Variants in MARCHF3 observed in about 807,000 individuals in gnomAD.
MARCHF3 encodes membrane associated ring-CH-type finger 3.
A neutral mutation model predicts 24.2 loss-of-function variants in MARCHF3; 13 were observed. The ratio of observed to expected loss-of-function variants is 0.54; its 90% CI spans 0.35 to 0.85. MARCHF3 has a LOEUF of 0.85. Ranked by LOEUF, MARCHF3 falls within the 40% of genes least tolerant of loss-of-function variation. The pLI is 0.01. For synonymous variants in MARCHF3, 144 were observed against 137.3 expected (o/e 1.05, Z -0.34); for missense variants, 276 against 325.0 (o/e 0.85, Z 1.16).
chr5:126,974,195 C>T (rs1474983814), intron 1 of MARCHF3, among the ~76,000 whole-genome samples: 1 of 152,156 alleles, frequency 6.6e-6, no homozygotes, highest in African/African-American at 2.4e-5. Flanking sequence ...CCGCGCCCGG[C>T]CGCAAAATCT....
intron 1 of MARCHF3, among the ~76,000 whole-genome samples, chr5:127,015,789 T>C (rs1053370737): frequency 1.3e-5 from 2 of 152,204 alleles, no homozygotes; most frequent in African/African-American, 4.8e-5. Context: ...TGGTCAACCA[T>C]GGCCCGAAAA....
intron 1 of MARCHF3, among the ~76,000 whole-genome samples, chr5:127,012,738 C>A (rs767249140): frequency 6.6e-6 from 1 of 152,132 alleles, no homozygotes; most frequent in Non-Finnish European, 1.5e-5. Flanking sequence ...CCTGAGGGTA[C>A]CTCAGTAAAG....
intron 1 of MARCHF3, among the ~76,000 whole-genome samples, chr5:127,010,011 T>G (rs1428006253): frequency 2.6e-5 from 4 of 152,194 alleles, no homozygotes; most frequent in African/African-American, 9.7e-5. Flanking sequence ...TGATCCAGTT[T>G]TCTGTTCCTT....
intron 1 of MARCHF3, among the ~76,000 whole-genome samples, chr5:127,027,659 A>G (rs911950902): frequency 8.5e-5 from 13 of 152,246 alleles, no homozygotes; most frequent in African/African-American, 3.1e-4. Context: ...TGAGGATTCC[A>G]AAACACTTTC....
intron 1 of MARCHF3, among the ~76,000 whole-genome samples, chr5:126,972,660 C>G (rs1355883030): frequency 6.6e-6 from 1 of 152,164 alleles, no homozygotes; most frequent in Non-Finnish European, 1.5e-5. Context: ...ACTTCCACCC[C>G]CAACAGGTTT....
intron 1 of MARCHF3, among the ~76,000 whole-genome samples, chr5:126,935,012 A>G (rs887624102): frequency 2.0e-5 from 3 of 152,190 alleles, no homozygotes; most frequent in Non-Finnish European, 4.4e-5. Flanking sequence ...TTCCATATTC[A>G]GAAATATTAT....
chr5:126,898,983 T>C (rs1182747093), intron 3 of MARCHF3: 1 of 985,048 alleles, frequency 1.0e-6, no homozygotes, highest in African/African-American at 1.8e-5. Flanking sequence ...AACTAAAAGC[T>C]TCAAAAGCAT....
At chr5:126,991,714 C>T (rs1751767745) in intron 1 of MARCHF3, among the ~76,000 whole-genome samples, 1 of 149,670 alleles carries the variant, frequency 6.7e-6, no homozygotes, top group South Asian at 2.2e-4. Context: ...GAGCAAGATT[C>T]TATTTCAAAA....
At chr5:126,941,552 G>C (rs192122075) in intron 1 of MARCHF3, among the ~76,000 whole-genome samples, 1 of 152,304 alleles carries the variant, frequency 6.6e-6, no homozygotes, top group East Asian at 1.9e-4. Flanking sequence ...TGTGTCATAT[G>C]CGTTAATAGT....
At chr5:126,960,028 A>C (rs143081535) in intron 1 of MARCHF3, among the ~76,000 whole-genome samples, 2 of 152,172 alleles carry the variant, frequency 1.3e-5, no homozygotes, top group Non-Finnish European at 2.9e-5. Context: ...TTAGAGTTTT[A>C]GAATGCTATG....
At chr5:126,969,453 C>T (rs1234390686) in intron 1 of MARCHF3, among the ~76,000 whole-genome samples, 2 of 152,128 alleles carry the variant, frequency 1.3e-5, no homozygotes, top group Admixed American at 6.5e-5. Context: ...TTAGGAGGAG[C>T]CCCTTACAGT....
At chr5:127,017,283 A>T (rs1752666514) in intron 1 of MARCHF3, among the ~76,000 whole-genome samples, 1 of 152,222 alleles carries the variant, frequency 6.6e-6, no homozygotes, top group Non-Finnish European at 1.5e-5. Context: ...GAATTATCCC[A>T]GTTTGCAATT....
chr5:126,993,521 T>C (rs1033356499), intron 1 of MARCHF3, among the ~76,000 whole-genome samples: 1 of 152,158 alleles, frequency 6.6e-6, no homozygotes, highest in Non-Finnish European at 1.5e-5. Context: ...TCAGATGCCA[T>C]CAATACCCCA....
Position 126,870,650 on chromosome 5 carries a change from T to C in MARCHF3, c.745A>G (p.Lys249Glu). Residue 249 changes from lysine (K) to glutamate (E), a missense_variant, in exon 5 of 5, where the codon AAG (lysine) becomes GAG (glutamate). Lys to Glu is a moderately conservative substitution (Grantham distance 56, BLOSUM62 1). Coordinates refer to ENST00000308660, the MANE Select transcript of MARCHF3 (RefSeq NM_178450.5). ...TACAAACATCAAACAACTGTCTCCTTTGAGTTCCTCTTGACCGAATGGAGG... is the reference window on the plus strand; with the variant it reads ...TACAAACATCAAACAACTGTCTCCTCTGAGTTCCTCTTGACCGAATGGAGG... Reference protein sequence around the residue: ...LGLHSVKRNSKETVV With the variant: ...LGLHSVKRNSEETVV The C allele has an allele frequency of 6.2e-7, 1 of 1,614,150 alleles. No homozygotes were observed. Among genetic ancestry groups the C allele is most frequent in the Non-Finnish European group, 8.5e-7 (1 of 1,180,012 alleles).
At position 126,875,942 on chromosome 5, in the gene MARCHF3, C is replaced by A. The variant is rs369202670; in HGVS notation, c.603+2243G>T. ...GTTAAGTATCCTATTTGAATTTACACTGTTATTAGGGTGATAAATCTTGGG... is the reference window on the plus strand; with the variant it reads ...GTTAAGTATCCTATTTGAATTTACAATGTTATTAGGGTGATAAATCTTGGG... On this transcript the variant is annotated intron_variant, in intron 4 of 4. Coordinates refer to ENST00000308660, the MANE Select transcript of MARCHF3 (RefSeq NM_178450.5). Among the ~76,000 whole-genome samples the A allele has an allele frequency of 6.6e-5, 10 of 152,308 alleles. No individual in the cohort carries two copies. The South Asian group carries it at 2.1e-3, about 32-fold the overall frequency.
At chr5:127,020,993 T>A (rs1289842130) in intron 1 of MARCHF3, among the ~76,000 whole-genome samples, 1 of 152,128 alleles carries the variant, frequency 6.6e-6, no homozygotes, top group Non-Finnish European at 1.5e-5. Context: ...AGACACCAAA[T>A]CTGCTGGCAC....
chr5:126,935,333 C>T (rs1366126971), intron 1 of MARCHF3, among the ~76,000 whole-genome samples: 1 of 152,114 alleles, frequency 6.6e-6, no homozygotes, highest in Non-Finnish European at 1.5e-5. Flanking sequence ...CTGACCCTCC[C>T]CCAAATAAGA....
intron 1 of MARCHF3, among the ~76,000 whole-genome samples, chr5:126,999,332 TGAGTCCATTA>T (rs1580720847): frequency 6.6e-6 from 1 of 152,230 alleles, no homozygotes; most frequent in East Asian, 1.9e-4. Context: ...CAGCTTTCAA[TGAGTCCATTA>T]GAGCCGGCCA....
chr5:126,915,358 A>C (rs1382421913), intron 2 of MARCHF3, among the ~76,000 whole-genome samples: 1 of 152,262 alleles, frequency 6.6e-6, no homozygotes, highest in Non-Finnish European at 1.5e-5. Context: ...GCCAATATCA[A>C]AGTAGCTGGG....
Sources: allele counts gnomAD v4.1 joint callset (sites outside exome capture counted in the v4.1 genomes callset), GRCh38; gene constraint gnomAD v4.1.1; transcripts MANE v1.5; gene names NCBI Gene and HGNC (gene_info 2026-07-23, HGNC 2026-07-21).